Variants in UGP2 observed in about 807,000 individuals in gnomAD.
UGP2 encodes UTP--glucose-1-phosphate uridylyltransferase.
Under a neutral mutation model 49.0 loss-of-function variants are expected in UGP2, and 40 were observed. That is an observed-to-expected ratio of 0.82 (90% CI 0.63 to 1.06). The LOEUF (loss-of-function observed/expected upper bound fraction) is 1.06. Among genes scored for constraint, UGP2 ranks in the 50% least tolerant of loss-of-function variants. The probability of loss-of-function intolerance (pLI) is 0.00; values close to 1 mark genes in which losing one functional copy is unlikely to be tolerated. For synonymous variants in UGP2, 225 were observed against 213.0 expected, an observed-to-expected ratio of 1.06 and a Z score of -0.49; for missense variants, 460 against 603.5, an observed-to-expected ratio of 0.76 and a Z score of 2.49.
intron 8 of UGP2, 97 bp from the exon 9 acceptor site, chr2:63,889,983 AG>A: frequency 1.1e-6 from 1 of 896,684 alleles, no homozygotes; most frequent in Non-Finnish European, 1.7e-6. Flanking sequence ...TTGCCAAAAA[AG>A]GTTTCTACAG....
chr2:63,865,795 A>G (rs1182155521), intron 3 of UGP2, among the ~76,000 whole-genome samples: 1 of 152,030 alleles, frequency 6.6e-6, no homozygotes, highest in African/African-American at 2.4e-5. Context: ...TAGGTCTCCC[A>G]AAGTGCTGGG....
At chr2:63,870,871 G>A (rs963313316) in intron 3 of UGP2, among the ~76,000 whole-genome samples, 7 of 152,082 alleles carry the variant, frequency 4.6e-5, no homozygotes, top group African/African-American at 1.4e-4. Flanking sequence ...GATAGGAGGC[G>A]GTAGCTCCCA....
At chr2:63,886,977 A>G (rs1197037041) in intron 7 of UGP2, among the ~76,000 whole-genome samples, 1 of 152,176 alleles carries the variant, frequency 6.6e-6, no homozygotes, top group African/African-American at 2.4e-5. Context: ...TCAGTTCTCA[A>G]AATTATTTTT....
At chr2:63,855,520 G>GTTTTTTTT (rs372160888) in intron 1 of UGP2, 182 of 194,240 alleles carry the variant, frequency 9.4e-4, no homozygotes, top group Non-Finnish European at 1.1e-3. Flanking sequence ...TTCTTTTTCT[G>GTTTTTTTT]TTTTTTTTTT....
At chr2:63,876,609 A>G (rs1434949218) in intron 3 of UGP2, among the ~76,000 whole-genome samples, 1 of 152,252 alleles carries the variant, frequency 6.6e-6, no homozygotes, top group African/African-American at 2.4e-5. Context: ...ACAAGAAGGT[A>G]TTATTGAAAG....
chr2:63,884,143 C>A (rs1179127541), intron 5 of UGP2, 50 bp downstream of exon 5: 2 of 1,598,662 alleles, frequency 1.3e-6, no homozygotes, highest in South Asian at 1.1e-5. Flanking sequence ...TGGGAAAGGA[C>A]TTCTTTATCT....
intron 1 of UGP2, chr2:63,855,708 A>C: frequency 2.4e-6 from 1 of 425,162 alleles, no homozygotes; most frequent in Non-Finnish European, 4.7e-6. Context: ...CACCTGGCTA[A>C]TTTTTGTATT....
intron 1 of UGP2, among the ~76,000 whole-genome samples, chr2:63,852,389 A>G (rs954463177): frequency 2.0e-5 from 3 of 152,254 alleles, no homozygotes; most frequent in Non-Finnish European, 4.4e-5. Context: ...TGTACATTAA[A>G]GTTTTAGAAG....
rs138322200 is a variant in UGP2 at position 63,878,353 on chromosome 2, A to G, written c.256-4113A>G. Among the ~76,000 whole-genome samples the G allele has an allele frequency of 5.9e-5, 9 of 152,216 alleles. No individual in the cohort carries two copies. The South Asian group carries it at 1.0e-3, about 18-fold the overall frequency. On this transcript the variant is annotated intron_variant, in intron 3 of 9. Transcript: ENST00000337130. Reference sequence around the variant, plus strand: ...GATTCCTAAATCGTTCTCTCACCCTATTTGTCACTGATAATTGCATAACAC... The same window carrying G: ...GATTCCTAAATCGTTCTCTCACCCTGTTTGTCACTGATAATTGCATAACAC...
intron 1 of UGP2, among the ~76,000 whole-genome samples, chr2:63,847,595 A>C (rs1044378025): frequency 2.6e-5 from 4 of 151,998 alleles, no homozygotes; most frequent in African/African-American, 9.7e-5. Context: ...GGGCCATTTT[A>C]TAGGATTTGG....
chr2:63,842,233 G>GTTGCTTCAGGCAAATTTGGGTACTGACAT, intron 1 of UGP2, 29 bp downstream of exon 1: 1 of 1,609,782 alleles, frequency 6.2e-7, no homozygotes, highest in Non-Finnish European at 8.5e-7. Context: ...TATATCCCGA[G>GTTGCTTCAGGCAAATTTGGGTACTGACAT]TTGCTTCAGG....
Position 63,856,504 on chromosome 2 carries a change from G to A in UGP2, c.147+71G>A, listed in dbSNP as rs760056123. 30 of 1,467,660 alleles carry A rather than the reference G, an allele frequency of 2.0e-5. No individual in the cohort carries two copies. The East Asian group carries it at 2.9e-4, about 14-fold the overall frequency. 90.9% of individuals were successfully genotyped at this position (1,467,660 alleles called of 1,614,324 possible). A position where few individuals can be genotyped will look rare whatever the true frequency, so the allele number is the denominator to read the frequency against. On this transcript the variant is annotated intron_variant, in intron 2 of 9. Transcript: ENST00000337130. ...TCTGTCTTCATGCTGAGTTGCTGCCGGTGATGATGATAATCATCACCTCAA... is the reference window on the plus strand; with the variant it reads ...TCTGTCTTCATGCTGAGTTGCTGCCAGTGATGATGATAATCATCACCTCAA...
chr2:63,889,792 T>C (rs1212702662), intron 8 of UGP2: 2 of 240,456 alleles, frequency 8.3e-6, no homozygotes, highest in Non-Finnish European at 1.6e-5. Flanking sequence ...ACTATTCATC[T>C]GGCTCTTGGC....
chr2:63,878,340 G>A (rs904685314), intron 3 of UGP2, among the ~76,000 whole-genome samples: 15 of 152,040 alleles, frequency 9.9e-5, no homozygotes, highest in African/African-American at 2.2e-4. Context: ...TTCCTAAATC[G>A]TTCTCTCACC....
Position 63,842,104 on chromosome 2 carries a change from G to A in UGP2, c.-82G>A, listed in dbSNP as rs1671583958. 2 of 1,499,848 alleles carry A rather than the reference G, an allele frequency of 1.3e-6. No homozygotes were observed. The highest frequency in any genetic ancestry group is 4.5e-5 in the Admixed American group (2 of 44,632). 92.9% of individuals were successfully genotyped at this position (1,499,848 alleles called of 1,614,324 possible). On this transcript the variant is annotated 5_prime_UTR_variant, in exon 1 of 10. Transcript: ENST00000337130. Reference sequence around the variant, plus strand: ...AAGAATACATCGGTTGTTAAAGCAGGAGAGGAAGAGAGACCTGCCCTGTAG... The same window carrying A: ...AAGAATACATCGGTTGTTAAAGCAGAAGAGGAAGAGAGACCTGCCCTGTAG...
rs528966512 is a variant in UGP2 at position 63,884,993 on chromosome 2, CTTTTTTTTTTTT to C, written c.576-578_576-567del. ...TTTTAAGATCTATTTCCCATGGTTA[CTTTTTTTTTTTT>C]TTTTTTTTTTTTTTTTTACTTTGCA... On this transcript the variant is annotated intron_variant, in intron 5 of 9. Transcript: ENST00000337130. Among the ~76,000 whole-genome samples, 118 of 23,162 alleles carry C rather than the reference CTTTTTTTTTTTT, an allele frequency of 5.1e-3. 1 individual carries two copies. The highest frequency in any genetic ancestry group is 0.018 in the African/African-American group (107 of 6,082). 15.2% of individuals were successfully genotyped at this position (23,162 alleles called of 152,430 possible). A position where few individuals can be genotyped will look rare whatever the true frequency, so the allele number is the denominator to read the frequency against.
chr2:63,867,272 G>A (rs998134861), intron 3 of UGP2, among the ~76,000 whole-genome samples: 1 of 151,642 alleles, frequency 6.6e-6, no homozygotes, highest in Non-Finnish European at 1.5e-5. Flanking sequence ...TTTCCAATTT[G>A]TTAGTAATGG....
chr2:63,864,059 T>C (rs973788125), intron 3 of UGP2, among the ~76,000 whole-genome samples: 9 of 152,210 alleles, frequency 5.9e-5, no homozygotes, highest in Non-Finnish European at 1.3e-4. Context: ...GCTTTAAGCA[T>C]TTTTCCTTTT....
At position 63,885,872 on chromosome 2, in the gene UGP2, C is replaced by T. The variant is rs1351745580; in HGVS notation, c.859C>T (p.Arg287Cys). The change falls in exon 6 of 10, where the codon CGT becomes TGT. Residue 287 changes from arginine (R) to cysteine (C), a missense_variant. Transcript: ENST00000337130. ...EFVMEVTNKT[R>C]ADVKGGTLTQ... ...TGTCATGGAAGTCACAAATAAAACA[C>T]GTGCAGATGTAAAGGTAAATACCGA... 5 of 1,587,562 alleles carry T rather than the reference C, an allele frequency of 3.1e-6. No homozygotes were observed. The highest frequency in any genetic ancestry group is 4.3e-6 in the Non-Finnish European group (5 of 1,168,720).
Sources: allele counts gnomAD v4.1 joint callset (sites outside exome capture counted in the v4.1 genomes callset), GRCh38; gene constraint gnomAD v4.1.1; transcripts MANE v1.5; gene names NCBI Gene and HGNC (gene_info 2026-07-23, HGNC 2026-07-21).